The following CDC42 variants were observed in gnomAD, a reference collection of about 807,000 sequenced individuals.
CDC42 encodes the protein cell division control protein 42 homolog.
CDC42 carries 1 observed loss-of-function variant against 20.8 expected under a neutral mutation model. The observed-to-expected ratio is 0.05, with a 90% CI of 0.02 to 0.23. The LOEUF is 0.23. CDC42 is among the 10% of genes least tolerant of loss of function. The pLI is 1.00. For synonymous variants in CDC42, 72 were observed against 84.8 expected (o/e 0.85, Z 0.83); for missense variants, 49 against 227.9 (o/e 0.21, Z 5.05).
rs200889790 is a variant in CDC42, at chr1:22,095,948, AATTTATTT to A, written c.*4452_*4459del. 8.4e-3 allele frequency among the ~76,000 whole-genome samples: 1,273 copies of A among 151,650 alleles called. 21 individuals carry two copies. Among genetic ancestry groups the A allele is most frequent in the African/African-American group, 0.03 (1,218 of 41,160 alleles). On this transcript the variant is annotated 3_prime_UTR_variant, in exon 6 of 6. Transcript: ENST00000656825. ...TGCTATTCATTCATTTTTTTAAAAA[AATTTATTT>A]ATTTATTTATTTATTTATTTTCAGA... is the stretch of plus-strand genomic sequence containing the variant.
intron 5 of CDC42, among the ~76,000 whole-genome samples, chr1:22,087,363 C>G (rs1335279685): frequency 1.3e-5 from 2 of 152,136 alleles, no homozygotes; most frequent in Admixed American, 1.3e-4. Context: ...AGTTCTCAAG[C>G]GTGCTTTATA....
chr1:22,067,314 C>A (rs1645435312), intron 1 of CDC42, among the ~76,000 whole-genome samples: 1 of 151,956 alleles, frequency 6.6e-6, no homozygotes, highest in Non-Finnish European at 1.5e-5. Flanking sequence ...TTCATAGATG[C>A]TGGTTTTTTC....
At chr1:22,073,391 T>G (rs1645513649) in intron 1 of CDC42, among the ~76,000 whole-genome samples, 1 of 150,946 alleles carries the variant, frequency 6.6e-6, no homozygotes, top group South Asian at 2.1e-4. Flanking sequence ...ATACAAAAAT[T>G]AGCCAGACAT....
rs1359158003 is a variant in CDC42, at chr1:22,099,978, G to C, written c.*8461G>C. Among the ~76,000 whole-genome samples, 1 of 150,970 alleles carries C rather than the reference G, an allele frequency of 6.6e-6. No homozygotes were observed. Among genetic ancestry groups the C allele is most frequent in the Non-Finnish European group, 1.5e-5 (1 of 67,834 alleles). On this transcript the variant is annotated 3_prime_UTR_variant, in exon 6 of 6. Coordinates refer to ENST00000656825, the MANE Select transcript of CDC42 (RefSeq NM_001791.4). ...ACTGGGATTTGAATTTAAGCAGTCTGTCTCTAGAGTCTGCTCAGCTGGCCT... is the reference window on the plus strand; with the variant it reads ...ACTGGGATTTGAATTTAAGCAGTCTCTCTCTAGAGTCTGCTCAGCTGGCCT...
intron 2 of CDC42, among the ~76,000 whole-genome samples, chr1:22,081,132 G>A (rs1645602902): frequency 6.6e-6 from 1 of 152,252 alleles, no homozygotes; most frequent in African/African-American, 2.4e-5. Flanking sequence ...CCATGCCATT[G>A]CACTCCAGCC....
At position 22,061,540 on chromosome 1, in the gene CDC42, T is replaced by C. The variant is rs1486189106; in HGVS notation, c.-51+8798T>C. ...TAACTTCATGTTTCTTTCTTTTTTT[T>C]TTTTTTTTTTTTTTTTTTTTTGAGA... On this transcript the variant is annotated intron_variant, in intron 1 of 5. Transcript: ENST00000656825. Among the ~76,000 whole-genome samples, 433 of 108,522 alleles carry C rather than the reference T, an allele frequency of 4.0e-3. 6 individuals are homozygous for C. The highest frequency in any genetic ancestry group is 0.015 in the African/African-American group (415 of 28,196). The allele number at this position is 108,522 out of a possible 152,430, so 71.2% of individuals were successfully genotyped here. A position where few individuals can be genotyped will look rare whatever the true frequency, so the allele number is the denominator to read the frequency against.
intron 1 of CDC42, among the ~76,000 whole-genome samples, chr1:22,055,867 GTTTTTT>G (rs35437576): frequency 3.2e-5 from 4 of 126,664 alleles, no homozygotes; most frequent in East Asian, 4.5e-4. Context: ...TTGTTTTAGA[GTTTTTT>G]TTTTTTTTTT....
Position 22,093,153 on chromosome 1 carries a change from C to G in CDC42, c.*1636C>G, listed in dbSNP as rs532228101. ...TGTGCTTTCTCCTCTAAGTTTGACC[C>G]TTCCCTTAAATACCAAGTAGGTCCA... On this transcript the variant is annotated 3_prime_UTR_variant, in exon 6 of 6. Transcript: ENST00000656825. Among the ~76,000 whole-genome samples, 6 of 152,282 alleles carry G rather than the reference C, an allele frequency of 3.9e-5. No individual in the cohort carries two copies. In the East Asian group the frequency reaches 1.2e-3, roughly 29 times the overall value.
At chr1:22,054,891 G>GTATATATATATATATATATA (rs1157685736) in intron 1 of CDC42, among the ~76,000 whole-genome samples, 1 of 71,890 alleles carries the variant, frequency 1.4e-5, no homozygotes, top group Non-Finnish European at 2.4e-5. Flanking sequence ...TTGAATTTAT[G>GTATATATATATATATATATA]TATATATATA....
rs373664682 is a variant in CDC42 at position 22,078,458 on chromosome 1, G to A, written c.-21G>A. 1 of 1,545,770 alleles carries A rather than the reference G, an allele frequency of 6.5e-7. No individual in the cohort carries two copies. Among genetic ancestry groups the A allele is most frequent in the Non-Finnish European group, 8.9e-7 (1 of 1,126,282 alleles). On this transcript the variant is annotated 5_prime_UTR_variant, in exon 2 of 6. Coordinates refer to ENST00000656825, the MANE Select transcript of CDC42 (RefSeq NM_001791.4). ...TCATCAGATTTGAAATATTTAAAGTGGATACAAAACTATTTCAGCAATGCA... is the reference window on the plus strand; with the variant it reads ...TCATCAGATTTGAAATATTTAAAGTAGATACAAAACTATTTCAGCAATGCA...
Position 22,096,224 on chromosome 1 carries a change from G to A in CDC42, c.*4707G>A, listed in dbSNP as rs2124065592. Reference sequence around the variant, plus strand: ...TCCGCCCTCCTCAGCCTCCCAAAGTGCTGGGATTATAGGCATGAGTCACTG... The same window carrying A: ...TCCGCCCTCCTCAGCCTCCCAAAGTACTGGGATTATAGGCATGAGTCACTG... On this transcript the variant is annotated 3_prime_UTR_variant, in exon 6 of 6. Coordinates refer to ENST00000656825, the MANE Select transcript of CDC42 (RefSeq NM_001791.4). 6.6e-6 allele frequency among the ~76,000 whole-genome samples: 1 copy of A among 152,262 alleles called. No homozygotes were observed. The highest frequency in any genetic ancestry group is 2.4e-5 in the African/African-American group (1 of 41,534).
chr1:22,062,696 A>AGCCT (rs1286132979), intron 1 of CDC42, among the ~76,000 whole-genome samples: 2 of 134,882 alleles, frequency 1.5e-5, no homozygotes, highest in East Asian at 4.7e-4. Flanking sequence ...CGAGCCTGGT[A>AGCCT]GCCTGGTCAA....
rs905179736 is a variant in CDC42, at chr1:22,093,314, C to A, written c.*1797C>A. Reference sequence around the variant, plus strand: ...GTTTTCTGCATCAGTGGTTCTCCAACTGGAGTGCAGCTTGAACAATGTGAT... The same window carrying A: ...GTTTTCTGCATCAGTGGTTCTCCAAATGGAGTGCAGCTTGAACAATGTGAT... On this transcript the variant is annotated 3_prime_UTR_variant, in exon 6 of 6. Transcript: ENST00000656825. Among the ~76,000 whole-genome samples, 1 of 152,176 alleles carries A rather than the reference C, an allele frequency of 6.6e-6. No individual in the cohort carries two copies.
intron 1 of CDC42, among the ~76,000 whole-genome samples, chr1:22,063,766 G>A (rs1389936023): frequency 6.6e-6 from 1 of 152,010 alleles, no homozygotes; most frequent in African/African-American, 2.4e-5. Context: ...TGTCATCCAG[G>A]CTGGAATGCA....
chr1:22,083,518 T>C (rs1340613827), intron 3 of CDC42, among the ~76,000 whole-genome samples: 1 of 151,780 alleles, frequency 6.6e-6, no homozygotes, highest in Non-Finnish European at 1.5e-5. Flanking sequence ...GACAGGAAAA[T>C]TGCTTGAACC....
chr1:22,070,014 C>T lies in CDC42; in HGVS notation c.-50-8415C>T, dbSNP rs191077841. Among the ~76,000 whole-genome samples the T allele has an allele frequency of 3.5e-3, 534 of 152,254 alleles. 6 individuals are homozygous for T. The highest frequency in any genetic ancestry group is 0.013 in the South Asian group (62 of 4,822). On this transcript the variant is annotated intron_variant, in intron 1 of 5. Coordinates refer to ENST00000656825, the MANE Select transcript of CDC42 (RefSeq NM_001791.4). ...CGTTGCCTAGGTTGTTCTCAAACTC[C>T]TGGCCTCAAGCAATCCACCTTCCTT...
chr1:22,054,891 G>A (rs1286267743), intron 1 of CDC42, among the ~76,000 whole-genome samples: 2 of 71,888 alleles, frequency 2.8e-5, no homozygotes, highest in African/African-American at 5.7e-5. Flanking sequence ...TTGAATTTAT[G>A]TATATATATA....
intron 2 of CDC42, among the ~76,000 whole-genome samples, chr1:22,081,443 C>T (rs1457898885): frequency 6.6e-6 from 1 of 152,196 alleles, no homozygotes; most frequent in Non-Finnish European, 1.5e-5. Context: ...TTTTGTGTAG[C>T]TAGAGGACTC....
chr1:22,081,345 A>G (rs935144026), intron 2 of CDC42, among the ~76,000 whole-genome samples: 1 of 152,208 alleles, frequency 6.6e-6, no homozygotes, highest in Non-Finnish European at 1.5e-5. Context: ...TGAAAAGGAA[A>G]TGGTCTATGA....
Sources: allele counts gnomAD v4.1 joint callset (sites outside exome capture counted in the v4.1 genomes callset), GRCh38; gene constraint gnomAD v4.1.1; transcripts MANE v1.5; gene names NCBI Gene and HGNC (gene_info 2026-07-23, HGNC 2026-07-21).